Variants in VDAC2 observed in about 807,000 individuals in gnomAD.
VDAC2 encodes the protein non-selective voltage-gated ion channel VDAC2.
In VDAC2, 6 loss-of-function variants were observed where a neutral mutation model predicts 36.6. The ratio of observed to expected loss-of-function variants is 0.16; its 90% CI spans 0.09 to 0.32. The LOEUF is 0.32. VDAC2 is among the 10% of genes least tolerant of loss of function. The pLI, the probability that VDAC2 is intolerant of heterozygous loss-of-function variation, is 1.00. For synonymous variants in VDAC2, 109 were observed against 123.8 expected (o/e 0.88, Z 0.79); for missense variants, 247 against 346.0 (o/e 0.71, Z 2.27).
In VDAC2 at chr10:75,212,386, T is replaced by C. The variant is rs1013863016; in HGVS notation, c.100+88T>C. 1.5e-5 allele frequency: 17 copies of C among 1,159,646 alleles called. No homozygotes were observed. The African/African-American group carries it at 2.2e-4, about 15-fold the overall frequency. The allele number at this position is 1,159,646 out of a possible 1,614,324, so 71.8% of individuals were successfully genotyped here. A position where few individuals can be genotyped will look rare whatever the true frequency, so the allele number is the denominator to read the frequency against. On this transcript the variant is annotated intron_variant, in intron 3 of 9. Transcript: ENST00000332211. The stretch of plus-strand genomic sequence containing the variant: ...GCGAAATCAGATCAATCATTGCAAA[T>C]TGTAAATATCTTGCTGCTTTAAATT...
chr10:75,227,280 A>C (rs1174315769), intron 8 of VDAC2, among the ~76,000 whole-genome samples: 5 of 152,206 alleles, frequency 3.3e-5, no homozygotes, highest in African/African-American at 7.2e-5. Flanking sequence ...GTTTATAACC[A>C]GTCTGTAAGA....
intron 9 of VDAC2, among the ~76,000 whole-genome samples, chr10:75,230,587 G>A (rs1208209297): frequency 6.6e-6 from 1 of 152,080 alleles, no homozygotes; most frequent in Non-Finnish European, 1.5e-5. Context: ...TTCTAGGATC[G>A]AATTATGATT....
chr10:75,225,762 A>AT (rs1278880789), intron 8 of VDAC2, among the ~76,000 whole-genome samples: 15 of 150,374 alleles, frequency 1.0e-4, no homozygotes, highest in Admixed American at 5.9e-4. Flanking sequence ...CTGCTGAGCT[A>AT]TTTTTTTTTC....
At chr10:75,211,795 C>T (rs903617324) in intron 2 of VDAC2, 1 of 1,146,180 alleles carries the variant, frequency 8.7e-7, no homozygotes, top group Non-Finnish European at 1.2e-6. Context: ...GTTGGTTTTC[C>T]CCTCAGCGAA....
chr10:75,226,451 G>T (rs1179212503), intron 8 of VDAC2, among the ~76,000 whole-genome samples: 8 of 100,894 alleles, frequency 7.9e-5, no homozygotes, highest in East Asian at 3.3e-4. Flanking sequence ...TCTTTTGTGG[G>T]TTTTTTTTTT....
intron 4 of VDAC2, chr10:75,218,193 G>T (rs1299331442): frequency 1.8e-5 from 6 of 330,860 alleles, no homozygotes; most frequent in Non-Finnish European, 3.0e-5. Context: ...GTCTCACTGT[G>T]TCACCCATGC....
chr10:75,230,792 G>A, intron 9 of VDAC2, 106 bp from the exon 10 acceptor site: 1 of 924,178 alleles, frequency 1.1e-6, no homozygotes. Flanking sequence ...GACAGGCTGA[G>A]GAAGTGACAG....
At chr10:75,217,136 A>T (rs945187274) in intron 4 of VDAC2, among the ~76,000 whole-genome samples, 7 of 152,106 alleles carry the variant, frequency 4.6e-5, no homozygotes, top group African/African-American at 9.7e-5. Flanking sequence ...GGGTACCTGA[A>T]GTCCCAGCTA....
At chr10:75,217,118 T>G (rs912203893) in intron 4 of VDAC2, among the ~76,000 whole-genome samples, 5 of 151,998 alleles carry the variant, frequency 3.3e-5, no homozygotes, top group African/African-American at 1.2e-4. Flanking sequence ...TTAGCTGTGC[T>G]TGTTGGTGGG....
At chr10:75,229,795 G>C in intron 9 of VDAC2, 94 bp downstream of exon 9, 2 of 951,652 alleles carry the variant, frequency 2.1e-6, no homozygotes, top group Non-Finnish European at 3.1e-6. Flanking sequence ...CAAGCACACA[G>C]AAGAGTTGAA....
chr10:75,218,769 A>AG (rs1841693279), intron 4 of VDAC2, among the ~76,000 whole-genome samples: 1 of 152,174 alleles, frequency 6.6e-6, no homozygotes, highest in African/African-American at 2.4e-5. Flanking sequence ...TCAAAAAAAA[A>AG]AAAAGGTGTA....
chr10:75,223,547 C>T (rs1435980833), intron 8 of VDAC2, among the ~76,000 whole-genome samples: 1 of 152,180 alleles, frequency 6.6e-6, no homozygotes, highest in Admixed American at 6.5e-5. Context: ...CACTCCAATT[C>T]AGCAGTACCC....
chr10:75,211,086 C>T (rs1486719352), intron 1 of VDAC2, 48 bp from the exon 2 acceptor site: 9 of 1,551,332 alleles, frequency 5.8e-6, no homozygotes, highest in South Asian at 4.7e-5. Context: ...CGGGATCTCC[C>T]TTTGGCCCTT....
intron 3 of VDAC2, among the ~76,000 whole-genome samples, chr10:75,212,741 T>C (rs917934816): frequency 1.3e-5 from 2 of 152,212 alleles, no homozygotes; most frequent in Non-Finnish European, 2.9e-5. Context: ...TAGATTAAAC[T>C]TATGTGAAAA....
In VDAC2 at chr10:75,229,648, A is replaced by C. The variant is rs765629031; in HGVS notation, c.740A>C (p.Lys247Thr). 1.2e-6 allele frequency: 2 copies of C among 1,602,988 alleles called. No homozygotes were observed. Among genetic ancestry groups the C allele is most frequent in the Non-Finnish European group, 1.7e-6 (2 of 1,176,684 alleles). Residue 247 changes from lysine to threonine, a missense_variant, in exon 9 of 10, where the codon AAA becomes ACA. By Grantham distance (78) the Lys-to-Thr change is moderately conservative (BLOSUM62 -1). This residue lies in a region of VDAC2 where 159 missense variants were observed against 234.0 expected (regional missense o/e 0.68). Transcript: ENST00000332211. Reference protein sequence around the residue: ...QLDPTASISAKVNNSSLIGVG... With the variant: ...QLDPTASISATVNNSSLIGVG... ...TGTTTTTGTATTTTATTTTAGGCAA[A>C]AGTCAACAACTCTAGCTTAATTGGA...
intron 7 of VDAC2, 133 bp from the exon 8 acceptor site, chr10:75,222,119 A>C: frequency 1.0e-6 from 1 of 965,746 alleles, no homozygotes; most frequent in Non-Finnish European, 1.5e-6. Context: ...TAAAACTTGC[A>C]AGTTTTCAGT....
Position 75,226,882 on chromosome 10 carries a change from C to G in VDAC2, c.736-2762C>G, listed in dbSNP as rs1033856278. Among the ~76,000 whole-genome samples, 3 of 152,192 alleles carry G rather than the reference C, an allele frequency of 2.0e-5. No individual in the cohort carries two copies. In the South Asian group the frequency reaches 6.2e-4, roughly 31 times the overall value. ...GGGTGCTGGTTGCTAGGGAACAAAC[C>G]TTCTGCCTTGGGGAGGGCATAGTAG... On this transcript the variant is annotated intron_variant, in intron 8 of 9. Coordinates refer to ENST00000332211, the MANE Select transcript of VDAC2 (RefSeq NM_001391963.1).
chr10:75,212,637 C>T (rs1841461776), intron 3 of VDAC2, among the ~76,000 whole-genome samples: 1 of 152,168 alleles, frequency 6.6e-6, no homozygotes, highest in Non-Finnish European at 1.5e-5. Context: ...CCAGTAAACA[C>T]AGTGGCCTCT....
intron 4 of VDAC2, among the ~76,000 whole-genome samples, chr10:75,217,269 CA>C (rs1841634656): frequency 6.6e-6 from 1 of 152,074 alleles, no homozygotes; most frequent in African/African-American, 2.4e-5. Flanking sequence ...AAAAAAACCG[CA>C]AAATGTTGTG....
Sources: allele counts gnomAD v4.1 joint callset (sites outside exome capture counted in the v4.1 genomes callset), GRCh38; gene constraint gnomAD v4.1.1; regional missense constraint gnomAD v4.1.1; transcripts MANE v1.5; gene names NCBI Gene and HGNC (gene_info 2026-07-23, HGNC 2026-07-21).